ATG7: variants seen among roughly 807,000 people sequenced by gnomAD.
The protein encoded by ATG7 is ubiquitin-like modifier-activating enzyme ATG7.
A neutral mutation model predicts 82.4 loss-of-function variants in ATG7; 70 were observed. The ratio of observed to expected loss-of-function variants is 0.85; its 90% CI spans 0.70 to 1.04. ATG7 has a LOEUF of 1.04. Ranked by LOEUF, ATG7 falls within the 50% of genes least tolerant of loss-of-function variation. ATG7 has a pLI of 0.00. For missense variants in ATG7, 792 were observed against 864.3 expected, an observed-to-expected ratio of 0.92 and a Z score of 1.05; for synonymous variants, 287 against 313.0, an observed-to-expected ratio of 0.92 and a Z score of 0.88.
At chr3:11,430,892 A>G (rs2082812497) in intron 20 of ATG7, among the ~76,000 whole-genome samples, 1 of 152,260 alleles carries the variant, frequency 6.6e-6, no homozygotes, top group Admixed American at 6.5e-5. Context: ...GACTATTTTT[A>G]AAAATAAAAG....
At chr3:11,519,560 T>G (rs971668320) in intron 20 of ATG7, among the ~76,000 whole-genome samples, 80 of 107,960 alleles carry the variant, frequency 7.4e-4, no homozygotes, top group Middle Eastern at 4.0e-3. Context: ...TTTTTTTTTT[T>G]TTTTTTTTTT....
chr3:11,459,173 T>TAA (rs10658469), intron 20 of ATG7, among the ~76,000 whole-genome samples: 30,671 of 141,614 alleles, frequency 0.22, 3,683 homozygotes, highest in South Asian at 0.33. Flanking sequence ...GGAGTCACTT[T>TAA]AAAAAAAAAA....
intron 20 of ATG7, among the ~76,000 whole-genome samples, chr3:11,542,461 A>G (rs915446839): frequency 6.6e-6 from 1 of 152,192 alleles, no homozygotes; most frequent in Non-Finnish European, 1.5e-5. Context: ...TCCTCTTGGC[A>G]GGTTTCATAT....
intron 5 of ATG7, among the ~76,000 whole-genome samples, chr3:11,304,067 GGTGACAGA>G (rs1168431489): frequency 6.6e-6 from 1 of 152,160 alleles, no homozygotes; most frequent in Admixed American, 6.5e-5. Flanking sequence ...CTCCAGCCTG[GGTGACAGA>G]GTGAGACTCC....
chr3:11,573,357 A>G, the ATG7 span, among the ~76,000 whole-genome samples: 62 of 110,626 alleles, frequency 5.6e-4, no homozygotes, highest in African/African-American at 1.4e-3. Flanking sequence ...GAAAGAAAGA[A>G]AGAAAGAAAG....
At chr3:11,400,257 C>T (rs538609860) in intron 19 of ATG7, among the ~76,000 whole-genome samples, 2 of 152,168 alleles carry the variant, frequency 1.3e-5, no homozygotes, top group Admixed American at 6.5e-5. Flanking sequence ...TGTAAGTTTT[C>T]AATAATTTAC....
At position 11,519,685 on chromosome 3, in the gene ATG7, G is replaced by A. The variant is rs573705218; in HGVS notation, c.2080-35126G>A. Among the ~76,000 whole-genome samples, 4 of 150,400 alleles carry A rather than the reference G, an allele frequency of 2.7e-5. 1 individual carries two copies. The highest frequency in any genetic ancestry group is 4.3e-4 in the South Asian group (2 of 4,690). ...CGCCATTCTCCTGCCTCAGCCTCCC[G>A]AGTAGCTGGGACCACAGGCGCCCGT... On this transcript the variant is annotated intron_variant, in intron 20 of 20. Transcript: ENST00000693202.
Position 11,313,406 on chromosome 3 carries a change from T to C in ATG7, c.514T>C (p.Phe172Leu), listed in dbSNP as rs1948959876. Residue 172 changes from phenylalanine (F) to leucine (L), a missense_variant, in exon 8 of 21, where the codon TTT becomes CTT. Physicochemically the swap from Phe to Leu is conservative, Grantham distance 22. Transcript: ENST00000693202. Reference protein sequence around the residue: ...IQGPVGLDQRFSLKQIEALEC... With the variant: ...IQGPVGLDQRLSLKQIEALEC... ...GGGGCCAGTGGGTTTGGATCAAAGG[T>C]TTTCACTAAAACAGGTATCAACAAA... is the stretch of plus-strand genomic sequence containing the variant. The C allele has an allele frequency of 6.2e-7, 1 of 1,608,818 alleles. No individual in the cohort carries two copies. The highest frequency in any genetic ancestry group is 8.5e-7 in the Non-Finnish European group (1 of 1,176,848).
At chr3:11,335,314 T>C (rs1362844497) in intron 11 of ATG7, among the ~76,000 whole-genome samples, 2 of 152,154 alleles carry the variant, frequency 1.3e-5, no homozygotes, top group Non-Finnish European at 2.9e-5. Flanking sequence ...TTGGCTTCCT[T>C]GGGCCACACT....
chr3:11,368,229 T>TAAAAAAAAAAAAAAA (rs760208581), intron 18 of ATG7, among the ~76,000 whole-genome samples: 1 of 109,338 alleles, frequency 9.1e-6, no homozygotes, highest in African/African-American at 3.4e-5. Context: ...TTCTTTTACT[T>TAAAAAAAAAAAAAAA]AAAAAAAAAA....
chr3:11,511,404 CAG>C (rs1167192886), intron 20 of ATG7, among the ~76,000 whole-genome samples: 4 of 152,230 alleles, frequency 2.6e-5, no homozygotes, highest in African/African-American at 9.6e-5. Context: ...CAGCTAGATA[CAG>C]AGTGTCGACT....
chr3:11,430,685 A>G (rs2082792936), intron 20 of ATG7, among the ~76,000 whole-genome samples: 1 of 152,248 alleles, frequency 6.6e-6, no homozygotes, highest in Admixed American at 6.5e-5. Flanking sequence ...AGTTAATGAG[A>G]CACTGACCCT....
intron 14 of ATG7, chr3:11,348,390 T>C (rs1013944454): frequency 2.1e-5 from 4 of 190,470 alleles, no homozygotes; most frequent in African/African-American, 9.5e-5. Flanking sequence ...AGTTTCTTCC[T>C]TCCAGTGGGT....
chr3:11,325,658 C>T (rs1294193063), intron 9 of ATG7, among the ~76,000 whole-genome samples: 5 of 144,484 alleles, frequency 3.5e-5, no homozygotes, highest in East Asian at 2.0e-4. Context: ...GCAACAGGGG[C>T]GAAACTACAT....
intron 7 of ATG7, among the ~76,000 whole-genome samples, chr3:11,310,879 G>A (rs1017798252): frequency 6.6e-6 from 1 of 152,098 alleles, no homozygotes. Flanking sequence ...TGATCCGCCC[G>A]CCTCGGCCTC....
Position 11,420,432 on chromosome 3 carries a change from C to T in ATG7, c.1957-6372C>T, listed in dbSNP as rs114393740. 9.1e-3 allele frequency among the ~76,000 whole-genome samples: 1,379 copies of T among 152,204 alleles called. 12 individuals are homozygous for T. Among genetic ancestry groups the T allele is most frequent in the Middle Eastern group, 0.024 (7 of 294 alleles). Reference sequence around the variant, plus strand: ...CTATAAAATTATCTGTGGAAACATACAATCTGAATGTTTAACTGGAGTCTA... The same window carrying T: ...CTATAAAATTATCTGTGGAAACATATAATCTGAATGTTTAACTGGAGTCTA... On this transcript the variant is annotated intron_variant, in intron 19 of 20. Coordinates refer to ENST00000693202, the MANE Select transcript of ATG7 (RefSeq NM_001349232.2).
At chr3:11,356,946 T>C (rs146911783) in intron 14 of ATG7, among the ~76,000 whole-genome samples, 3,885 of 152,300 alleles carry the variant, frequency 0.026, 66 homozygotes, top group Middle Eastern at 0.037. Context: ...CTTTCCTGCT[T>C]TGCTTGCCAC....
chr3:11,382,766 T>A (rs1340515430), intron 19 of ATG7, among the ~76,000 whole-genome samples: 1 of 152,228 alleles, frequency 6.6e-6, no homozygotes, highest in Non-Finnish European at 1.5e-5. Flanking sequence ...ACCTAAATAT[T>A]TTTTGGCAGA....
intron 18 of ATG7, among the ~76,000 whole-genome samples, chr3:11,378,738 A>AT (rs1197036229): frequency 3.5e-5 from 5 of 144,416 alleles, no homozygotes; most frequent in African/African-American, 7.7e-5. Context: ...TCCAGGTTTG[A>AT]TTTTTTTCCA....
Sources: allele counts gnomAD v4.1 joint callset (sites outside exome capture counted in the v4.1 genomes callset), GRCh38; gene constraint gnomAD v4.1.1; transcripts MANE v1.5; gene names NCBI Gene and HGNC (gene_info 2026-07-23, HGNC 2026-07-21).